The following ASTE1 variants were observed in gnomAD, a reference collection of about 807,000 sequenced individuals.
ASTE1 encodes single-strand DNA endonuclease ASTE1.
A neutral mutation model predicts 45.8 loss-of-function variants in ASTE1; 49 were observed. The ratio of observed to expected loss-of-function variants is 1.07; its 90% CI spans 0.85 to 1.36. The LOEUF (loss-of-function observed/expected upper bound fraction) is 1.36. Ranked by LOEUF, ASTE1 falls within the 40% of genes most tolerant of loss-of-function variation. The pLI is 0.00. For synonymous variants in ASTE1, 296 were observed against 303.9 expected (o/e 0.97, Z 0.27); for missense variants, 709 against 804.0 (o/e 0.88, Z 1.43).
At position 131,014,772 on chromosome 3, in the gene ASTE1, G is replaced by T. The variant is rs41449644; in HGVS notation, c.1710-385C>A. On this transcript the variant is annotated intron_variant, in intron 5 of 5. Transcript: ENST00000264992. ...AAAATTTATTGGCATCATTTGCAAG[G>T]TCATTCACTGAGACTAAAAACCTAC... Among the ~76,000 whole-genome samples, 1,138 of 152,278 alleles carry T rather than the reference G, an allele frequency of 7.5e-3. 18 individuals carry two copies. Among genetic ancestry groups the T allele is most frequent in the African/African-American group, 0.026 (1,081 of 41,552 alleles).
chr3:131,015,850 C>T (rs900792492), intron 5 of ASTE1: 5 of 477,502 alleles, frequency 1.0e-5, no homozygotes, highest in African/African-American at 9.9e-5. Flanking sequence ...GAGTTGTATC[C>T]TACCAATGAT....
chr3:131,020,593 AC>A (rs2063730003), intron 3 of ASTE1, among the ~76,000 whole-genome samples: 1 of 152,224 alleles, frequency 6.6e-6, no homozygotes, highest in African/African-American at 2.4e-5. Context: ...TTTATTAACA[AC>A]AGCTGGCCAA....
At position 131,018,712 on chromosome 3, in the gene ASTE1, G is replaced by A. The variant is rs368067508; in HGVS notation, c.1307C>T (p.Ser436Phe). ...HSDLSRLTEL[S>F]LRRRQMLLLE... The stretch of plus-strand genomic sequence containing the variant: ...CAGAAGCATCTGCCGCCTCCTCAAG[G>A]AGAGCTGAAAATACACACCAAGTAT... Residue 436 changes from serine (S) to phenylalanine (F), a missense_variant, in exon 4 of 6, where the codon TCC becomes TTC. Ser to Phe is a radical substitution (Grantham distance 155). Transcript: ENST00000264992. 3 of 1,613,732 alleles carry A rather than the reference G, an allele frequency of 1.9e-6. No individual in the cohort carries two copies. The African/African-American group carries it at 4.0e-5, about 22-fold the overall frequency.
chr3:131,019,253 T>A (rs556245812), intron 3 of ASTE1, among the ~76,000 whole-genome samples: 1 of 151,942 alleles, frequency 6.6e-6, no homozygotes, highest in Admixed American at 6.5e-5. Context: ...GCATATACTC[T>A]ATTTGTTTGG....
chr3:131,018,799 T>C, intron 3 of ASTE1, 83 bp from the exon 4 acceptor site: 1 of 1,355,474 alleles, frequency 7.4e-7, no homozygotes, highest in Non-Finnish European at 1.0e-6. Flanking sequence ...TGAAGAGATT[T>C]AATGCTACTG....
At chr3:131,019,351 G>A (rs1193889448) in intron 3 of ASTE1, among the ~76,000 whole-genome samples, 1 of 152,220 alleles carries the variant, frequency 6.6e-6, no homozygotes, top group Non-Finnish European at 1.5e-5. Context: ...GCTGCTTGTA[G>A]ATTAGAGGTA....
chr3:131,025,383 A>G, intron 2 of ASTE1, 52 bp from the exon 3 acceptor site: 2 of 1,532,658 alleles, frequency 1.3e-6, no homozygotes, highest in Admixed American at 2.1e-5. Context: ...ATGGGGCACC[A>G]AGTCATTGCT....
At position 131,024,792 on chromosome 3, in the gene ASTE1, A is replaced by T. The variant is rs756423531; in HGVS notation, c.515T>A (p.Phe172Tyr). The T allele has an allele frequency of 4.3e-6, 7 of 1,614,188 alleles. No individual in the cohort carries two copies. Among genetic ancestry groups the T allele is most frequent in the Non-Finnish European group, 5.9e-6 (7 of 1,180,024 alleles). Residue 172 changes from phenylalanine to tyrosine, a missense_variant, in exon 3 of 6, where the codon TTT (phenylalanine) becomes TAT (tyrosine). Physicochemically the swap from Phe to Tyr is conservative, Grantham distance 22 (BLOSUM62 3). Transcript: ENST00000264992. ...CCACTGAAAGCTATTCAATGGGCAA[A>T]ACCCAGTTTTCAGGTCAAAAATGCA... Reference protein sequence around the residue: ...DFCIFDLKTGFCPLNSFQWRN... With the variant: ...DFCIFDLKTGYCPLNSFQWRN...
Position 131,024,039 on chromosome 3 carries a change from G to A in ASTE1, c.1268C>T (p.Ala423Val). 3 of 1,610,040 alleles carry A rather than the reference G, an allele frequency of 1.9e-6. No individual in the cohort carries two copies. Among genetic ancestry groups the A allele is most frequent in the Non-Finnish European group, 2.5e-6 (3 of 1,177,032 alleles). The change falls in exon 3 of 6, where the codon GCC becomes GTC. Residue 423 changes from alanine (A) to valine (V), a missense_variant. Physicochemically the swap from Ala to Val is moderately conservative, Grantham distance 64. Coordinates refer to ENST00000264992, the MANE Select transcript of ASTE1 (RefSeq NM_014065.4). ...RTSIIDAVEL[A>V]KDHSDLSRLT... ...TCTGCTTAAGTCAGAATGATCCTTG[G>A]CCAGTTCTACTGCATCAATGATTGA...
Position 131,014,372 on chromosome 3 carries a change from G to C in ASTE1, c.1725C>G (p.Ser575Arg), listed in dbSNP as rs1377847671. ...GTTGCTGGCATAGTCCGTGCACCAG[G>C]CTTCCACTGTACAGTCTGTTCAAAG... The part of the protein sequence containing the change: ...EPDLTRLYSG[S>R]LVHGLCQQLL... Residue 575 changes from serine to arginine, a missense_variant, in exon 6 of 6, where the codon AGC becomes AGG. Transcript: ENST00000264992. The C allele has an allele frequency of 6.2e-7, 1 of 1,600,974 alleles. No homozygotes were observed. Among genetic ancestry groups the C allele is most frequent in the Non-Finnish European group, 8.5e-7 (1 of 1,175,456 alleles).
intron 3 of ASTE1, among the ~76,000 whole-genome samples, chr3:131,019,063 TGA>T (rs1304569455): frequency 3.9e-5 from 6 of 152,192 alleles, no homozygotes; most frequent in African/African-American, 1.4e-4. Flanking sequence ...TTGACTAATC[TGA>T]GAGAGAGCCC....
chr3:131,025,833 T>C (rs1324428493), intron 1 of ASTE1, among the ~76,000 whole-genome samples: 1 of 152,230 alleles, frequency 6.6e-6, no homozygotes, highest in African/African-American at 2.4e-5. Flanking sequence ...TTTTCTTTTG[T>C]ATTGACAATC....
At position 131,024,253 on chromosome 3, in the gene ASTE1, T is replaced by C. The variant is rs1046712344; in HGVS notation, c.1054A>G (p.Ile352Val). 4 of 1,614,134 alleles carry C rather than the reference T, an allele frequency of 2.5e-6. No homozygotes were observed. In the African/African-American group the frequency reaches 4.0e-5, roughly 16 times the overall value. ...ATGTTTTCCACCTGTGTGGGAAGAA[T>C]GGTCCGTCTTAGGACCAAAGCATCA... ...ISDALVLRRTILPTQVENMQQ... is the reference protein window; with the variant it reads ...ISDALVLRRTVLPTQVENMQQ... Residue 352 changes from isoleucine to valine, a missense_variant, in exon 3 of 6, where the codon ATT becomes GTT. Physicochemically the swap from Ile to Val is conservative, Grantham distance 29. Transcript: ENST00000264992.
At chr3:131,016,006 A>C (rs1417506646) in intron 5 of ASTE1, 138 bp downstream of exon 5, 3 of 1,115,166 alleles carry the variant, frequency 2.7e-6, no homozygotes, top group Non-Finnish European at 3.9e-6. Context: ...CAGTGACTCA[A>C]AATCAATTAC....
intron 5 of ASTE1, among the ~76,000 whole-genome samples, chr3:131,014,622 C>T (rs552508140): frequency 7.0e-4 from 107 of 152,340 alleles, no homozygotes; most frequent in African/African-American, 2.3e-3. Flanking sequence ...TTACGTGATG[C>T]ATGCTTAGTG....
chr3:131,020,446 T>G (rs1197777891), intron 3 of ASTE1, among the ~76,000 whole-genome samples: 1 of 152,216 alleles, frequency 6.6e-6, no homozygotes, highest in Non-Finnish European at 1.5e-5. Context: ...TTAAGAATGA[T>G]CCACTTTTGT....
chr3:131,021,043 T>C (rs991127725), intron 3 of ASTE1, among the ~76,000 whole-genome samples: 3 of 152,208 alleles, frequency 2.0e-5, no homozygotes, highest in Admixed American at 2.0e-4. Context: ...AACATTTTCA[T>C]GACCGTGGAG....
rs747523121 is a variant in ASTE1, at chr3:131,025,008, A to AT, written c.298dup (p.Ile100AsnfsTer51). On this transcript the variant is annotated frameshift_variant, in exon 3 of 6. Transcript: ENST00000264992. LOFTEE classifies it high-confidence loss of function. Reference sequence around the variant, plus strand: ...AACAGAAAGGGAATGGGCCATCTGGATCTTCTCTCTAGCTCTATCCTTTAA... The same window carrying AT: ...AACAGAAAGGGAATGGGCCATCTGGATTCTTCTCTCTAGCTCTATCCTTTAA... 1.1e-5 allele frequency: 18 copies of AT among 1,598,952 alleles called. No homozygotes were observed. Among genetic ancestry groups the AT allele is most frequent in the Non-Finnish European group, 1.5e-5 (18 of 1,172,178 alleles).
intron 3 of ASTE1, among the ~76,000 whole-genome samples, chr3:131,021,991 C>G (rs1190109057): frequency 6.6e-6 from 1 of 152,164 alleles, no homozygotes; most frequent in Non-Finnish European, 1.5e-5. Flanking sequence ...CTGACTTACG[C>G]TCCACTTTCT....
Sources: gnomAD v4.1 joint callset for allele counts (sites outside exome capture counted in the v4.1 genomes callset) on GRCh38, gnomAD v4.1.1 for gene constraint, MANE v1.5 for transcripts, NCBI Gene and HGNC (gene_info 2026-07-23, HGNC 2026-07-21) for gene names.